Variants in LRFN2 observed in about 807,000 individuals in gnomAD.
LRFN2 encodes leucine rich repeat and fibronectin type III domain containing 2.
A neutral mutation model predicts 37.3 loss-of-function variants in LRFN2; 18 were observed. The observed-to-expected ratio is 0.48, with a 90% confidence interval of 0.33 to 0.72. The LOEUF is 0.72. Ranked by LOEUF, LRFN2 falls within the 30% of genes least tolerant of loss-of-function variation. LRFN2 has a pLI of 0.02. For missense variants in LRFN2, 1,006 were observed against 1,060.7 expected (o/e 0.95, Z 0.72); for synonymous variants, 556 against 466.6 (o/e 1.19, Z -2.47).
intron 1 of LRFN2, among the ~76,000 whole-genome samples, chr6:40,478,103 C>T (rs547247022): frequency 2.6e-5 from 4 of 152,242 alleles, no homozygotes; most frequent in African/African-American, 7.2e-5. Context: ...TGTCCTGTCC[C>T]CTGCTATGCC....
intron 2 of LRFN2, among the ~76,000 whole-genome samples, chr6:40,420,292 G>C (rs547909319): frequency 2.6e-5 from 4 of 152,372 alleles, no homozygotes; most frequent in Non-Finnish European, 5.9e-5. Flanking sequence ...GAAGATGGTG[G>C]ACATTAATTT....
At chr6:40,468,785 A>G (rs1764528764) in intron 1 of LRFN2, among the ~76,000 whole-genome samples, 1 of 152,108 alleles carries the variant, frequency 6.6e-6, no homozygotes, top group Non-Finnish European at 1.5e-5. Context: ...CCCTTACCCC[A>G]TCTCCTCATG....
At chr6:40,414,046 A>C (rs376540214) in intron 2 of LRFN2, among the ~76,000 whole-genome samples, 26 of 152,196 alleles carry the variant, frequency 1.7e-4, no homozygotes, top group African/African-American at 6.0e-4. Context: ...ATCCTAACTC[A>C]TGTCCTGGGA....
At chr6:40,473,226 C>G (rs1034009086) in intron 1 of LRFN2, among the ~76,000 whole-genome samples, 1 of 152,208 alleles carries the variant, frequency 6.6e-6, no homozygotes, top group Non-Finnish European at 1.5e-5. Flanking sequence ...GTTGCCACGC[C>G]TCAGCCAGAC....
intron 2 of LRFN2, among the ~76,000 whole-genome samples, chr6:40,430,164 G>A (rs1391502438): frequency 6.6e-6 from 1 of 152,164 alleles, no homozygotes; most frequent in Non-Finnish European, 1.5e-5. Flanking sequence ...TTCCGATGCT[G>A]CTTTCTCTCC....
At chr6:40,441,530 G>A (rs745931976) in intron 1 of LRFN2, among the ~76,000 whole-genome samples, 1 of 152,166 alleles carries the variant, frequency 6.6e-6, no homozygotes, top group Non-Finnish European at 1.5e-5. Flanking sequence ...AGGGAGCACA[G>A]CTTGTTTGTT....
intron 1 of LRFN2, among the ~76,000 whole-genome samples, chr6:40,441,272 T>C (rs929054995): frequency 1.3e-5 from 2 of 152,088 alleles, no homozygotes; most frequent in African/African-American, 4.8e-5. Flanking sequence ...GGGAGGCCCA[T>C]GCATGGATGG....
chr6:40,513,588 C>G (rs1765775549), intron 1 of LRFN2, among the ~76,000 whole-genome samples: 1 of 152,106 alleles, frequency 6.6e-6, no homozygotes. Flanking sequence ...GAGCAGGGAA[C>G]AAAATGAAAA....
rs1219929992 is a variant in LRFN2, at chr6:40,553,665, T to C, written c.-19+33276A>G. On this transcript the variant is annotated intron_variant, in intron 1 of 2. Coordinates refer to ENST00000338305, the MANE Select transcript of LRFN2 (RefSeq NM_020737.3). The stretch of plus-strand genomic sequence containing the variant: ...TTGAATAAATAAGTAACAAATGAAA[T>C]TGGTCAATAGGGAACCACAGTTCTT... Among the ~76,000 whole-genome samples, 5 of 152,150 alleles carry C rather than the reference T, an allele frequency of 3.3e-5. No individual in the cohort carries two copies. The East Asian group carries it at 9.6e-4, about 29-fold the overall frequency.
Position 40,531,886 on chromosome 6 carries a change from T to C in LRFN2, c.-19+55055A>G, listed in dbSNP as rs72853006. On this transcript the variant is annotated intron_variant, in intron 1 of 2. Transcript: ENST00000338305. ...CCTGACACAACCCATCAGTGCCACT[T>C]TCTGTCCAAGAACCCCACTAGCCCC... Among the ~76,000 whole-genome samples the C allele has an allele frequency of 7.0e-4, 106 of 152,280 alleles. 1 individual carries two copies. The highest frequency in any genetic ancestry group is 5.6e-3 in the South Asian group (27 of 4,820).
At chr6:40,483,152 C>T (rs905956618) in intron 1 of LRFN2, among the ~76,000 whole-genome samples, 1 of 152,256 alleles carries the variant, frequency 6.6e-6, no homozygotes, top group Non-Finnish European at 1.5e-5. Flanking sequence ...AAAATGGGTG[C>T]CTAACACTTA....
chr6:40,530,639 C>T (rs781201184), intron 1 of LRFN2, among the ~76,000 whole-genome samples: 4 of 151,914 alleles, frequency 2.6e-5, no homozygotes, highest in Admixed American at 1.3e-4. Flanking sequence ...CCCCAGGACC[C>T]GTCACCCCCA....
In LRFN2 at chr6:40,497,955, G is replaced by C. The variant is rs114365005; in HGVS notation, c.-18-64824C>G. On this transcript the variant is annotated intron_variant, in intron 1 of 2. Transcript: ENST00000338305. The stretch of plus-strand genomic sequence containing the variant: ...CTTTACTCTTGGGGAACAGCCCTGA[G>C]AGGGAGCTGACCTTGAAGAAGGAGA... Among the ~76,000 whole-genome samples, 923 of 152,308 alleles carry C rather than the reference G, an allele frequency of 6.1e-3. 4 individuals carry two copies. Among genetic ancestry groups the C allele is most frequent in the Non-Finnish European group, 9.3e-3 (633 of 68,024 alleles).
chr6:40,542,588 C>T (rs115176690), intron 1 of LRFN2, among the ~76,000 whole-genome samples: 1 of 152,078 alleles, frequency 6.6e-6, no homozygotes, highest in Non-Finnish European at 1.5e-5. Context: ...CCAGTGGGGG[C>T]TCTGCACCCT....
At chr6:40,403,151 C>T (rs1160462300) in intron 2 of LRFN2, among the ~76,000 whole-genome samples, 2 of 152,022 alleles carry the variant, frequency 1.3e-5, no homozygotes, top group African/African-American at 2.4e-5. Context: ...TGTTTAAACT[C>T]AGTGGGACAG....
chr6:40,419,290 T>C (rs13191207), intron 2 of LRFN2, among the ~76,000 whole-genome samples: 63,481 of 152,066 alleles, frequency 0.42, 13,460 homozygotes, highest in Admixed American at 0.45. Flanking sequence ...TTGCTGTGGC[T>C]AGCGGGATTT....
At chr6:40,464,689 G>T (rs1267476020) in intron 1 of LRFN2, among the ~76,000 whole-genome samples, 1 of 152,134 alleles carries the variant, frequency 6.6e-6, no homozygotes, top group Non-Finnish European at 1.5e-5. Flanking sequence ...AGGGCTTCCT[G>T]CCCCAAGCAC....
At chr6:40,571,245 G>T (rs75540284) in intron 1 of LRFN2, among the ~76,000 whole-genome samples, 334 of 152,350 alleles carry the variant, frequency 2.2e-3, no homozygotes, top group African/African-American at 7.6e-3. Context: ...AATACTAGGT[G>T]CTCAGTAAAC....
intron 1 of LRFN2, among the ~76,000 whole-genome samples, chr6:40,567,711 G>C (rs1012522459): frequency 6.6e-6 from 1 of 152,230 alleles, no homozygotes; most frequent in Admixed American, 6.5e-5. Context: ...GCACTTTGCT[G>C]TTGATCTTCA....
Sources: gnomAD v4.1 joint callset for allele counts (sites outside exome capture counted in the v4.1 genomes callset) on GRCh38, gnomAD v4.1.1 for gene constraint, MANE v1.5 for transcripts, NCBI Gene and HGNC (gene_info 2026-07-23, HGNC 2026-07-21) for gene names.